RAB39A: variants seen among roughly 807,000 people sequenced by gnomAD.
RAB39A encodes ras-related protein Rab-39A.
RAB39A carries 17 observed loss-of-function variants against 20.9 expected under a neutral mutation model. That is an observed-to-expected ratio of 0.81 (90% CI 0.56 to 1.22). The LOEUF (loss-of-function observed/expected upper bound fraction) is 1.22, where lower values mean the gene tolerates loss of function less well. Ranked by LOEUF, RAB39A falls within the 50% of genes most tolerant of loss-of-function variation. The pLI, the probability that RAB39A is intolerant of heterozygous loss-of-function variation, is 0.00. For synonymous variants in RAB39A, 99 were observed against 103.4 expected, an observed-to-expected ratio of 0.96 and a Z score of 0.26; for missense variants, 234 against 270.5, an observed-to-expected ratio of 0.87 and a Z score of 0.95.
chr11:107,946,711 T>G (rs1392813966), intron 1 of RAB39A, among the ~76,000 whole-genome samples: 14 of 150,928 alleles, frequency 9.3e-5, no homozygotes, highest in Admixed American at 8.6e-4. Flanking sequence ...CCTGACCTCA[T>G]GATCCGCCCA....
rs554458460 is a variant in RAB39A at position 107,961,388 on chromosome 11, G to C, written c.228-558G>C. ...CCATTCACGAGGGTTCCACCCTCAT[G>C]ACCTAAATTACATCCCAAAGGCCCC... is the stretch of plus-strand genomic sequence containing the variant. On this transcript the variant is annotated intron_variant, in intron 1 of 1. Transcript: ENST00000320578. Among the ~76,000 whole-genome samples, 4 of 152,176 alleles carry C rather than the reference G, an allele frequency of 2.6e-5. No homozygotes were observed. In the South Asian group the frequency reaches 8.3e-4, roughly 32 times the overall value.
chr11:107,959,898 C>G (rs1018151606), intron 1 of RAB39A, among the ~76,000 whole-genome samples: 1 of 152,188 alleles, frequency 6.6e-6, no homozygotes, highest in Admixed American at 6.5e-5. Flanking sequence ...GCATTTAGCA[C>G]TTTTCCTCTC....
At chr11:107,960,114 G>A (rs1039661494) in intron 1 of RAB39A, among the ~76,000 whole-genome samples, 3 of 151,782 alleles carry the variant, frequency 2.0e-5, no homozygotes, top group Admixed American at 2.0e-4. Flanking sequence ...GGAGGCCAAG[G>A]CAGGAGAATT....
intron 1 of RAB39A, among the ~76,000 whole-genome samples, chr11:107,955,721 C>T (rs1861428343): frequency 6.6e-6 from 1 of 151,966 alleles, no homozygotes; most frequent in African/African-American, 2.4e-5. Context: ...GCCTGTAATC[C>T]CTGCTACTCA....
rs1305925756 is a variant in RAB39A at position 107,954,437 on chromosome 11, A to G, written c.228-7509A>G. 2.0e-5 allele frequency among the ~76,000 whole-genome samples: 3 copies of G among 152,164 alleles called. No homozygotes were observed. In the East Asian group the frequency reaches 5.8e-4, roughly 29 times the overall value. On this transcript the variant is annotated intron_variant, in intron 1 of 1. Transcript: ENST00000320578. Reference sequence around the variant, plus strand: ...CTCTTCCTCAGACCTCCTAATTACCAGCCCCGATCTTGTTTTTTACCCAGC... The same window carrying G: ...CTCTTCCTCAGACCTCCTAATTACCGGCCCCGATCTTGTTTTTTACCCAGC...
intron 1 of RAB39A, among the ~76,000 whole-genome samples, chr11:107,956,465 A>G (rs994719573): frequency 6.6e-6 from 1 of 152,186 alleles, no homozygotes; most frequent in Non-Finnish European, 1.5e-5. Context: ...TTGAACACAC[A>G]ATGATCCTGC....
intron 1 of RAB39A, among the ~76,000 whole-genome samples, chr11:107,949,556 T>G (rs930681952): frequency 1.3e-5 from 2 of 152,090 alleles, no homozygotes; most frequent in Non-Finnish European, 2.9e-5. Context: ...TTATGTTAGA[T>G]CACATAATCC....
chr11:107,953,238 A>T (rs1861399445), intron 1 of RAB39A, among the ~76,000 whole-genome samples: 1 of 152,186 alleles, frequency 6.6e-6, no homozygotes, highest in Admixed American at 6.5e-5. Context: ...ATGTTGAAAG[A>T]TATAAGAGAT....
chr11:107,945,109 A>C (rs1211821288), intron 1 of RAB39A, among the ~76,000 whole-genome samples: 1 of 151,344 alleles, frequency 6.6e-6, no homozygotes, highest in Non-Finnish European at 1.5e-5. Flanking sequence ...CTTGAACCCC[A>C]GGGGGCGGAG....
At chr11:107,950,583 A>G (rs571314892) in intron 1 of RAB39A, among the ~76,000 whole-genome samples, 4 of 152,110 alleles carry the variant, frequency 2.6e-5, no homozygotes, top group African/African-American at 2.4e-5. Flanking sequence ...CCTGGGCAAC[A>G]TGGCGAAACT....
intron 1 of RAB39A, among the ~76,000 whole-genome samples, chr11:107,938,564 TAA>T (rs5794580): frequency 1.0e-5 from 1 of 95,242 alleles, no homozygotes. Context: ...ACCTCGTCTA[TAA>T]AAAAAAAAAA....
chr11:107,961,859 C>A, intron 1 of RAB39A, 87 bp from the exon 2 acceptor site: 1 of 1,046,480 alleles, frequency 9.6e-7, no homozygotes. Flanking sequence ...AAGATATCTT[C>A]AAATGTTATT....
chr11:107,955,150 C>T (rs1005136897), intron 1 of RAB39A, among the ~76,000 whole-genome samples: 5 of 151,844 alleles, frequency 3.3e-5, no homozygotes, highest in Admixed American at 2.6e-4. Flanking sequence ...GCACCCGCCA[C>T]CATGCCCGGC....
intron 1 of RAB39A, among the ~76,000 whole-genome samples, chr11:107,953,585 G>C (rs1430727759): frequency 1.3e-5 from 2 of 152,148 alleles, no homozygotes; most frequent in African/African-American, 4.8e-5. Context: ...GCATCACGGG[G>C]TTTTCTAGTG....
Position 107,929,413 on chromosome 11 carries a change from T to C in RAB39A, c.227+618T>C, listed in dbSNP as rs182873372. ...CACTGAATGTGGTCATCAGAAATAC[T>C]GGGTCATGACCCGTGGGAATGGGTC... is the stretch of plus-strand genomic sequence containing the variant. On this transcript the variant is annotated intron_variant, in intron 1 of 1. Transcript: ENST00000320578. Among the ~76,000 whole-genome samples, 32 of 152,286 alleles carry C rather than the reference T, an allele frequency of 2.1e-4. No homozygotes were observed. The East Asian group carries it at 5.4e-3, about 26-fold the overall frequency.
chr11:107,946,520 T>A (rs1213980669), intron 1 of RAB39A, among the ~76,000 whole-genome samples: 1 of 123,440 alleles, frequency 8.1e-6, no homozygotes, highest in Non-Finnish European at 1.6e-5. Context: ...TTGCCCAGGC[T>A]GGAGTGCAGT....
chr11:107,952,542 T>C (rs1861391609), intron 1 of RAB39A, among the ~76,000 whole-genome samples: 1 of 151,420 alleles, frequency 6.6e-6, no homozygotes, highest in Non-Finnish European at 1.5e-5. Context: ...GACCGTGCCA[T>C]TGTGTTCCAG....
chr11:107,962,182 A>C lies in RAB39A; in HGVS notation c.464A>C (p.Glu155Ala). ...GCAGACTGTGGAATGAAGTATATAG[A>C]AACCTCAGCAAAGGATGCTACAAAT... is the stretch of plus-strand genomic sequence containing the variant. ...LSADCGMKYI[E>A]TSAKDATNVE... Residue 155 changes from glutamate to alanine, a missense_variant, in exon 2 of 2, where the codon GAA becomes GCA. By Grantham distance (107) the Glu-to-Ala change is moderately radical. Coordinates refer to ENST00000320578, the MANE Select transcript of RAB39A (RefSeq NM_017516.3). 1 of 1,614,148 alleles carries C rather than the reference A, an allele frequency of 6.2e-7. No individual in the cohort carries two copies. The highest frequency in any genetic ancestry group is 8.5e-7 in the Non-Finnish European group (1 of 1,179,996).
At chr11:107,937,138 A>G (rs1861202365) in intron 1 of RAB39A, among the ~76,000 whole-genome samples, 1 of 152,028 alleles carries the variant, frequency 6.6e-6, no homozygotes, top group Admixed American at 6.6e-5. Context: ...AAATTCATTT[A>G]TTTATTTGTT....
Sources: gnomAD v4.1 joint callset for allele counts (sites outside exome capture counted in the v4.1 genomes callset) on GRCh38, gnomAD v4.1.1 for gene constraint, MANE v1.5 for transcripts, NCBI Gene and HGNC (gene_info 2026-07-23, HGNC 2026-07-21) for gene names.